The following CEP63 variants were observed in gnomAD, a reference collection of about 807,000 sequenced individuals.
CEP63 encodes the protein centrosomal protein 63, also known as centrosomal protein of 63 kDa.
CEP63 carries 84 observed loss-of-function variants against 89.1 expected under a neutral mutation model. The ratio of observed to expected loss-of-function variants is 0.94; its 90% CI spans 0.79 to 1.13. The LOEUF is 1.13. CEP63 is among the 50% of genes most tolerant of loss of function. The pLI is 0.00. For synonymous variants in CEP63, 267 were observed against 272.5 expected, an observed-to-expected ratio of 0.98 and a Z score of 0.20; for missense variants, 838 against 813.3, an observed-to-expected ratio of 1.03 and a Z score of -0.37.
At chr3:134,679,465 A>G in the CEP63 span, among the ~76,000 whole-genome samples, 1 of 152,236 alleles carries the variant, frequency 6.6e-6, no homozygotes, top group African/African-American at 2.4e-5. Context: ...TCTCGGGAGC[A>G]GTCCAGCAGC....
chr3:134,485,918 C>G (rs1180686204), upstream of CEP63: 1 of 945,988 alleles, frequency 1.1e-6, no homozygotes, highest in Non-Finnish European at 1.3e-6. Context: ...CCCGCGCCTC[C>G]AAAACCTAGG....
At chr3:134,602,195 A>G in the CEP63 span, among the ~76,000 whole-genome samples, 8 of 152,056 alleles carry the variant, frequency 5.3e-5, no homozygotes, top group African/African-American at 1.9e-4. Context: ...AGCAGGGAGC[A>G]TGTCTGTGTG....
intron 8 of CEP63, 58 bp downstream of exon 8, chr3:134,546,346 C>G: frequency 1.4e-6 from 2 of 1,412,734 alleles, no homozygotes; most frequent in South Asian, 2.5e-5. Context: ...GTATTAAGCA[C>G]TAGGCTTATT....
the CEP63 span, among the ~76,000 whole-genome samples, chr3:134,742,978 C>G: frequency 6.6e-6 from 1 of 152,254 alleles, no homozygotes; most frequent in African/African-American, 2.4e-5. Flanking sequence ...TCAGCTGGAA[C>G]AGCCCAGGCT....
At chr3:134,612,067 A>C in the CEP63 span, among the ~76,000 whole-genome samples, 3 of 152,000 alleles carry the variant, frequency 2.0e-5, no homozygotes, top group East Asian at 5.8e-4. Flanking sequence ...GTCTGCCTTA[A>C]CCTCTGCTCA....
chr3:134,695,822 A>C, the CEP63 span, among the ~76,000 whole-genome samples: 1 of 152,138 alleles, frequency 6.6e-6, no homozygotes, highest in Non-Finnish European at 1.5e-5. Context: ...GTGAACACAG[A>C]TGGCTGATAG....
At chr3:134,558,023 C>T (rs1207854922) in intron 12 of CEP63, 119 bp from the exon 13 acceptor site, 3 of 842,762 alleles carry the variant, frequency 3.6e-6, no homozygotes, top group African/African-American at 1.7e-5. Flanking sequence ...AACAAAGCTT[C>T]ATTAAAGCCA....
At chr3:134,515,788 C>T (rs1490097995) in intron 3 of CEP63, among the ~76,000 whole-genome samples, 1 of 152,138 alleles carries the variant, frequency 6.6e-6, no homozygotes, top group Non-Finnish European at 1.5e-5. Context: ...ATAAAATACA[C>T]TAACACTAAT....
chr3:134,600,922 A>G, the CEP63 span: 5 of 152,232 alleles, frequency 3.3e-5, no homozygotes, highest in African/African-American at 9.6e-5. Flanking sequence ...TGATTTTAAC[A>G]TAAACATTTC....
the CEP63 span, chr3:134,619,399 G>A: frequency 1.5e-6 from 1 of 684,520 alleles, no homozygotes. Context: ...TACAGCCCCA[G>A]CACAAATGGG....
At chr3:134,679,147 A>T in the CEP63 span, among the ~76,000 whole-genome samples, 1 of 152,192 alleles carries the variant, frequency 6.6e-6, no homozygotes, top group Admixed American at 6.6e-5. Context: ...AATATTTTTC[A>T]TTTATTTGAT....
chr3:134,524,684 T>A (rs1244077789), intron 3 of CEP63, among the ~76,000 whole-genome samples: 1 of 152,240 alleles, frequency 6.6e-6, no homozygotes, highest in African/African-American at 2.4e-5. Context: ...GAATCACATT[T>A]ATTGATTTGT....
At chr3:134,515,129 C>T (rs146591875) in intron 3 of CEP63, among the ~76,000 whole-genome samples, 58 of 152,230 alleles carry the variant, frequency 3.8e-4, no homozygotes, top group African/African-American at 1.3e-3. Context: ...AACATTAGAC[C>T]TTGTTAAGTC....
At chr3:134,557,376 G>GTTTTTTGTTTTTTTTTT (rs1956393276) in intron 12 of CEP63, among the ~76,000 whole-genome samples, 2 of 101,500 alleles carry the variant, frequency 2.0e-5, no homozygotes, top group African/African-American at 4.9e-5. Context: ...TTCATAATTT[G>GTTTTTTGTTTTTTTTTT]TTTTTTTTTT....
chr3:134,547,574 A>AT (rs1408261606), intron 9 of CEP63, 102 bp downstream of exon 9: 44 of 820,050 alleles, frequency 5.4e-5, no homozygotes, highest in South Asian at 3.3e-4. Flanking sequence ...AAAAAATAAG[A>AT]TTTTTTTCTA....
At chr3:134,584,087 G>C (rs1958426557) in intron 10 of CEP63, among the ~76,000 whole-genome samples, 1 of 152,178 alleles carries the variant, frequency 6.6e-6, no homozygotes, top group African/African-American at 2.4e-5. Context: ...TTGAGATGAT[G>C]GGGTTTTCTA....
At chr3:134,581,761 C>T (rs1298748897) in intron 10 of CEP63, among the ~76,000 whole-genome samples, 4 of 134,960 alleles carry the variant, frequency 3.0e-5, no homozygotes, top group East Asian at 4.4e-4. Context: ...CTGCAAGCTC[C>T]GCCTCCCGGG....
the CEP63 span, among the ~76,000 whole-genome samples, chr3:134,773,747 A>G: frequency 0.16 from 23,645 of 151,394 alleles, 3,386 homozygotes; most frequent in African/African-American, 0.37. Flanking sequence ...TTGCCTCCTC[A>G]GTGATGCCAT....
chr3:134,528,427 G>A (rs559818697), intron 3 of CEP63, among the ~76,000 whole-genome samples: 7 of 152,260 alleles, frequency 4.6e-5, no homozygotes, highest in East Asian at 1.9e-4. Flanking sequence ...TGAGAACTCC[G>A]TAGTCAGCTT....
Sources: gnomAD v4.1 joint callset for allele counts (sites outside exome capture counted in the v4.1 genomes callset) on GRCh38, gnomAD v4.1.1 for gene constraint, MANE v1.5 for transcripts, NCBI Gene and HGNC (gene_info 2026-07-23, HGNC 2026-07-21) for gene names.